The following NREP variants were observed in gnomAD, a reference collection of about 807,000 sequenced individuals.
NREP encodes neuronal regeneration related protein.
NREP carries 5 observed loss-of-function variants against 8.6 expected under a neutral mutation model. The observed-to-expected ratio is 0.58, with a 90% CI of 0.30 to 1.22. The LOEUF is 1.22. Among genes scored for constraint, NREP ranks in the 50% most tolerant of loss-of-function variants. The probability of loss-of-function intolerance (pLI) is 0.07; values close to 1 mark genes in which losing one functional copy is unlikely to be tolerated. For missense variants in NREP, 86 were observed against 82.5 expected, an observed-to-expected ratio of 1.04 and a Z score of -0.17; for synonymous variants, 27 against 28.0, an observed-to-expected ratio of 0.96 and a Z score of 0.11.
At chr5:111,791,778 A>T (rs1159271731) in intron 2 of NREP, among the ~76,000 whole-genome samples, 2 of 152,290 alleles carry the variant, frequency 1.3e-5, no homozygotes, top group East Asian at 3.9e-4. Flanking sequence ...CTGTGACTTA[A>T]ATTAAATGTG....
chr5:111,939,559 T>A (rs1755773950), intron 2 of NREP, among the ~76,000 whole-genome samples: 1 of 151,998 alleles, frequency 6.6e-6, no homozygotes, highest in African/African-American at 2.4e-5. Flanking sequence ...TAGCACAGTG[T>A]GGCAAAAAAA....
intron 2 of NREP, among the ~76,000 whole-genome samples, chr5:111,840,778 C>A (rs1753009768): frequency 6.6e-6 from 1 of 152,006 alleles, no homozygotes; most frequent in Non-Finnish European, 1.5e-5. Flanking sequence ...AACATGTAAG[C>A]AAATAGGAAT....
intron 2 of NREP, among the ~76,000 whole-genome samples, chr5:111,865,896 A>G (rs1000066471): frequency 6.6e-6 from 1 of 152,190 alleles, no homozygotes; most frequent in Non-Finnish European, 1.5e-5. Context: ...GGAGAAGACT[A>G]TAAATATATG....
chr5:111,971,682 T>C (rs1408628567), intron 2 of NREP, among the ~76,000 whole-genome samples: 2 of 152,172 alleles, frequency 1.3e-5, no homozygotes, highest in Non-Finnish European at 1.5e-5. Flanking sequence ...CGTAGAAGAA[T>C]GAAATTAGAC....
intron 2 of NREP, among the ~76,000 whole-genome samples, chr5:111,831,410 G>A (rs780904858): frequency 1.3e-5 from 2 of 152,136 alleles, no homozygotes; most frequent in South Asian, 2.1e-4. Context: ...TTTTTTAGTC[G>A]ATCTGGAGTC....
chr5:111,886,319 A>G (rs568873775), intron 2 of NREP, among the ~76,000 whole-genome samples: 105 of 152,234 alleles, frequency 6.9e-4, no homozygotes, highest in African/African-American at 2.4e-3. Context: ...AAGTCAGGAA[A>G]CAACAGGTGC....
chr5:111,976,744 G>A (rs1234776370), exon 1 of NREP: 1 of 1,550,502 alleles, frequency 6.4e-7, no homozygotes. Flanking sequence ...TTTCATTCCA[G>A]TCCTGTTACT....
At chr5:111,839,754 A>G (rs887333434) in intron 2 of NREP, among the ~76,000 whole-genome samples, 2 of 152,140 alleles carry the variant, frequency 1.3e-5, no homozygotes, top group African/African-American at 2.4e-5. Flanking sequence ...ATAAATATTT[A>G]TGTACCTATA....
chr5:111,958,827 A>T (rs983021335), intron 2 of NREP, among the ~76,000 whole-genome samples: 10 of 151,646 alleles, frequency 6.6e-5, no homozygotes, highest in Non-Finnish European at 1.3e-4. Context: ...ATGAATATCA[A>T]GAATTTTTTT....
chr5:111,861,419 A>G (rs1287876798), intron 2 of NREP, among the ~76,000 whole-genome samples: 1 of 152,162 alleles, frequency 6.6e-6, no homozygotes, highest in Non-Finnish European at 1.5e-5. Flanking sequence ...CATCCACCTA[A>G]AGACTCAACA....
chr5:111,845,938 A>G (rs923902400), intron 2 of NREP: 1 of 152,108 alleles, frequency 6.6e-6, no homozygotes, highest in Non-Finnish European at 1.5e-5. Flanking sequence ...GTGCACAACT[A>G]TGACTCCATA....
chr5:111,871,547 A>G (rs1381084758), intron 2 of NREP, among the ~76,000 whole-genome samples: 1 of 152,196 alleles, frequency 6.6e-6, no homozygotes, highest in Non-Finnish European at 1.5e-5. Context: ...ATTGTAGCTT[A>G]TTATAACTTA....
intron 2 of NREP, among the ~76,000 whole-genome samples, chr5:111,842,348 G>A (rs1753049423): frequency 1.3e-5 from 2 of 152,146 alleles, no homozygotes; most frequent in African/African-American, 4.8e-5. Context: ...AGAATATTGT[G>A]AGTTTAGTTA....
At position 111,905,000 on chromosome 5, in the gene NREP, C is replaced by A. The variant is rs184416010; in HGVS notation, c.135+70274G>T. 9.2e-4 allele frequency among the ~76,000 whole-genome samples: 140 copies of A among 151,492 alleles called. 1 individual carries two copies. The highest frequency in any genetic ancestry group is 3.3e-3 in the African/African-American group (136 of 41,388). The stretch of plus-strand genomic sequence containing the variant: ...AAAGAATTACCTGTATTCCCCATAT[C>A]TCTCTCTCTCTCTCCATTCTGAAAT... On this transcript the variant is annotated intron_variant, in intron 2 of 3. Coordinates refer to the NREP transcript ENST00000395634.
chr5:111,943,987 C>T (rs1451593771), intron 2 of NREP, among the ~76,000 whole-genome samples: 1 of 151,962 alleles, frequency 6.6e-6, no homozygotes, highest in Admixed American at 6.6e-5. Context: ...AATGTTTCTT[C>T]TATTGAGAGA....
At chr5:111,894,277 T>G (rs547727562) in intron 2 of NREP, among the ~76,000 whole-genome samples, 4 of 152,112 alleles carry the variant, frequency 2.6e-5, no homozygotes, top group Non-Finnish European at 5.9e-5. Flanking sequence ...ATTTGATTTA[T>G]CTTAGTTCAA....
chr5:111,882,960 A>C (rs1373185577), intron 2 of NREP, among the ~76,000 whole-genome samples: 1 of 152,254 alleles, frequency 6.6e-6, no homozygotes, highest in Non-Finnish European at 1.5e-5. Context: ...TGACAGGATC[A>C]AATTCACACA....
At chr5:111,911,138 C>G (rs759650910) in intron 2 of NREP, among the ~76,000 whole-genome samples, 2 of 152,012 alleles carry the variant, frequency 1.3e-5, no homozygotes, top group African/African-American at 4.8e-5. Flanking sequence ...ACCCAGCAAT[C>G]TGGATATCAC....
At chr5:111,964,017 G>A (rs1173675715) in intron 2 of NREP, among the ~76,000 whole-genome samples, 3 of 152,134 alleles carry the variant, frequency 2.0e-5, no homozygotes, top group African/African-American at 7.2e-5. Flanking sequence ...GAAATCACCA[G>A]CCAAATAAAG....
Sources: gnomAD v4.1 joint callset for allele counts (sites outside exome capture counted in the v4.1 genomes callset) on GRCh38, gnomAD v4.1.1 for gene constraint, MANE v1.5 for transcripts, NCBI Gene and HGNC (gene_info 2026-07-23, HGNC 2026-07-21) for gene names.